The following PXDC1 variants were observed in gnomAD, a reference collection of about 807,000 sequenced individuals.
The protein encoded by PXDC1 is PX domain-containing protein 1.
Under a neutral mutation model 24.4 loss-of-function variants are expected in PXDC1, and 13 were observed. The observed-to-expected ratio is 0.53, with a 90% CI of 0.35 to 0.85. PXDC1 has a LOEUF of 0.85. Ranked by LOEUF, PXDC1 falls within the 40% of genes least tolerant of loss-of-function variation. PXDC1 has a pLI of 0.01. For synonymous variants in PXDC1, 162 were observed against 124.9 expected, an observed-to-expected ratio of 1.30 and a Z score of -1.98; for missense variants, 344 against 309.3, an observed-to-expected ratio of 1.11 and a Z score of -0.84.
At chr6:3,741,568 C>T (rs939518176) in intron 1 of PXDC1, among the ~76,000 whole-genome samples, 2 of 152,218 alleles carry the variant, frequency 1.3e-5, no homozygotes, top group African/African-American at 2.4e-5. Flanking sequence ...TGAATGACAA[C>T]GAGCGCTGAT....
chr6:3,732,170 A>G (rs138088305), intron 3 of PXDC1, among the ~76,000 whole-genome samples: 3 of 152,298 alleles, frequency 2.0e-5, no homozygotes, highest in Non-Finnish European at 2.9e-5. Flanking sequence ...CTATGTTTTC[A>G]TAGCCCCACA....
chr6:3,737,627 A>T lies in PXDC1; in HGVS notation c.348+430T>A, dbSNP rs1273976459. The T allele has an allele frequency of 2.5e-5, 25 of 984,436 alleles. No homozygotes were observed. Among genetic ancestry groups the T allele is most frequent in the Non-Finnish European group, 3.0e-5 (25 of 829,150 alleles). The allele number at this position is 984,436 out of a possible 1,614,324, so 61.0% of individuals were successfully genotyped here. ...AGCCCGCAGGCTTACATGGAAAGGG[A>T]GTTGACGGTCAAATCCGGGCAACGT... On this transcript the variant is annotated intron_variant, in intron 2 of 4. Transcript: ENST00000380283. The surrounding 1 kb of genome is among the most constrained non-coding windows in gnomAD (Gnocchi z 5.5).
intron 1 of PXDC1, among the ~76,000 whole-genome samples, chr6:3,744,114 G>A (rs571757499): frequency 6.6e-6 from 1 of 152,274 alleles, no homozygotes; most frequent in South Asian, 2.1e-4. Context: ...CCTTCTCTAG[G>A]CTTTTTCATT....
In PXDC1 at chr6:3,724,701, G is replaced by A. The variant is rs539553522; in HGVS notation, c.579-965C>T. On this transcript the variant is annotated intron_variant, in intron 4 of 4. Coordinates refer to ENST00000380283, the MANE Select transcript of PXDC1 (RefSeq NM_183373.4). The surrounding 1 kb of genome is among the most constrained non-coding windows in gnomAD (Gnocchi z 4.5). ...CAGTGACTGAAGGTGGCCCTGGCCC[G>A]TGGACAACTGTGGGAACTCAGCCAT... Among the ~76,000 whole-genome samples the A allele has an allele frequency of 1.1e-4, 17 of 152,296 alleles. No individual in the cohort carries two copies. In the South Asian group the frequency reaches 1.2e-3, roughly 11 times the overall value.
intron 4 of PXDC1, among the ~76,000 whole-genome samples, 187 bp from the exon 5 acceptor site, chr6:3,723,923 G>A (rs1294239731): frequency 6.6e-6 from 1 of 152,228 alleles, no homozygotes; most frequent in East Asian, 1.9e-4. Context: ...CACTGCCTTG[G>A]AGACTGCTGT....
intron 1 of PXDC1, among the ~76,000 whole-genome samples, chr6:3,746,817 C>T (rs1052216107): frequency 3.3e-5 from 5 of 152,126 alleles, no homozygotes; most frequent in Admixed American, 6.5e-5. Context: ...ACTGTCCACC[C>T]GAGAACAGCA....
intron 1 of PXDC1, among the ~76,000 whole-genome samples, chr6:3,744,257 A>G (rs1760514502): frequency 6.6e-6 from 1 of 152,164 alleles, no homozygotes; most frequent in African/African-American, 2.4e-5. Context: ...GCAGGAAGGA[A>G]GCACTTCAGT....
chr6:3,740,369 G>A (rs915003609), intron 1 of PXDC1, among the ~76,000 whole-genome samples: 2 of 152,164 alleles, frequency 1.3e-5, no homozygotes, highest in African/African-American at 2.4e-5. Context: ...GACACGTGAT[G>A]CCTAATTAAA....
rs893650705 is a variant in PXDC1 at position 3,725,940 on chromosome 6, G to A, written c.578+1611C>T. Among the ~76,000 whole-genome samples, 1 of 151,980 alleles carries A rather than the reference G, an allele frequency of 6.6e-6. No individual in the cohort carries two copies. The highest frequency in any genetic ancestry group is 6.5e-5 in the Admixed American group (1 of 15,272). The stretch of plus-strand genomic sequence containing the variant: ...CTGTGAGCCAGGCATCCCGGAGCAG[G>A]TGGCCGCCTATTCAAGACCTGTCAC... On this transcript the variant is annotated intron_variant, in intron 4 of 4. Transcript: ENST00000380283. This position sits in a 1 kb window ranked among gnomAD's most constrained non-coding sequence, Gnocchi z 4.8.
In PXDC1 at chr6:3,723,717, A is replaced by T; in HGVS notation, c.598T>A (p.Phe200Ile). 6.2e-7 allele frequency: 1 copy of T among 1,614,050 alleles called. No homozygotes were observed. The highest frequency in any genetic ancestry group is 8.5e-7 in the Non-Finnish European group (1 of 1,179,960). The change falls in exon 5 of 5, where the codon TTT (phenylalanine) becomes ATT (isoleucine). Residue 200 changes from phenylalanine to isoleucine, a missense_variant. Phe to Ile is a conservative substitution (Grantham distance 21). Transcript: ENST00000380283. ...TEHLFENGSE[F>I]PSELEDGDDP... Reference sequence around the variant, plus strand: ...TCCCCGTCCTCCAGCTCTGAGGGAAACTCACTGCCATTCTCAAATCTGAAA... The same window carrying T: ...TCCCCGTCCTCCAGCTCTGAGGGAATCTCACTGCCATTCTCAAATCTGAAA...
At chr6:3,744,135 C>T (rs1323562624) in intron 1 of PXDC1, among the ~76,000 whole-genome samples, 1 of 152,196 alleles carries the variant, frequency 6.6e-6, no homozygotes, top group Non-Finnish European at 1.5e-5. Flanking sequence ...ATTTTCCCCA[C>T]TAAAAGCCAA....
rs1759990456 is a variant in PXDC1 at position 3,723,620 on chromosome 6, C to G, written c.695G>C (p.Ter232SerextTer63). 4 of 1,610,458 alleles carry G rather than the reference C, an allele frequency of 2.5e-6. No individual in the cohort carries two copies. The highest frequency in any genetic ancestry group is 1.3e-5 in the African/African-American group (1 of 74,858). The part of the protein sequence containing the change: ...LVPFETDIWD[*>S] ...GCGGGGGAGGCCTGATAGAGAGGTT[C>G]AGTCCCAAATGTCTGTCTCGAAGGG... The change falls in exon 5 of 5, where the codon TGA becomes TCA. Residue 232 changes from the stop codon to serine, a stop_lost. Coordinates refer to ENST00000380283, the MANE Select transcript of PXDC1 (RefSeq NM_183373.4).
At chr6:3,747,969 A>T (rs143325535) in intron 1 of PXDC1, among the ~76,000 whole-genome samples, 139 of 152,366 alleles carry the variant, frequency 9.1e-4, no homozygotes, top group African/African-American at 3.2e-3. Context: ...ACTACTCGGG[A>T]ACACAATCTG....
At chr6:3,747,233 A>G (rs1206162321) in intron 1 of PXDC1, among the ~76,000 whole-genome samples, 16 of 151,850 alleles carry the variant, frequency 1.1e-4, no homozygotes, top group Admixed American at 1.0e-3. Context: ...TCATCTGCAC[A>G]CTACTCCACA....
chr6:3,747,303 C>T (rs1330773310), intron 1 of PXDC1, among the ~76,000 whole-genome samples: 1 of 152,112 alleles, frequency 6.6e-6, no homozygotes, highest in Admixed American at 6.5e-5. Flanking sequence ...CAGCGTTTGC[C>T]CACTTCTCCC....
intron 1 of PXDC1, among the ~76,000 whole-genome samples, chr6:3,750,570 G>A (rs1011625796): frequency 2.0e-4 from 30 of 152,322 alleles, no homozygotes; most frequent in African/African-American, 7.2e-4. Flanking sequence ...AGAGCGGTAG[G>A]AAAAGGGAAG....
chr6:3,730,861 G>A (rs781511756), intron 3 of PXDC1, among the ~76,000 whole-genome samples: 20 of 152,260 alleles, frequency 1.3e-4, no homozygotes, highest in East Asian at 3.8e-4. Context: ...CAGGAGGCAC[G>A]AGCAGGTAGG....
At chr6:3,736,114 A>G (rs1220425517) in intron 3 of PXDC1, among the ~76,000 whole-genome samples, 1 of 152,154 alleles carries the variant, frequency 6.6e-6, no homozygotes, top group Non-Finnish European at 1.5e-5. Context: ...GTTCACAGCC[A>G]ACAGCATCAG....
chr6:3,751,067 G>A, intron 1 of PXDC1: 2 of 482,312 alleles, frequency 4.1e-6, no homozygotes, highest in African/African-American at 2.0e-5. Context: ...TCCGCCGGGG[G>A]CGCCCCCAGG....
Sources: gnomAD v4.1 joint callset for allele counts (sites outside exome capture counted in the v4.1 genomes callset) on GRCh38, gnomAD v4.1.1 for gene constraint, Gnocchi (gnomAD v3.1) non-coding constraint, MANE v1.5 for transcripts, NCBI Gene and HGNC (gene_info 2026-07-23, HGNC 2026-07-21) for gene names.